Variants in DOCK3 observed in about 807,000 individuals in gnomAD.
DOCK3 encodes the protein dedicator of cytokinesis protein 3.
DOCK3 carries 60 observed loss-of-function variants against 265.6 expected under a neutral mutation model. The observed-to-expected ratio is 0.23, with a 90% CI of 0.18 to 0.28. The LOEUF is 0.28. Among genes scored for constraint, DOCK3 ranks in the 10% least tolerant of loss-of-function variants. DOCK3 has a pLI of 1.00. For missense variants in DOCK3, 1,981 were observed against 2,594.3 expected (o/e 0.76, Z 5.14); for synonymous variants, 881 against 938.0 (o/e 0.94, Z 1.11).
intron 1 of DOCK3, among the ~76,000 whole-genome samples, chr3:50,726,955 A>G (rs1460339783): frequency 6.6e-6 from 1 of 152,218 alleles, no homozygotes; most frequent in African/African-American, 2.4e-5. Context: ...TGAACTTACT[A>G]GAGAGAGGTT....
chr3:50,933,981 G>A lies in DOCK3; in HGVS notation c.219G>A (p.Gly73=). 6 of 1,595,842 alleles carry A rather than the reference G, an allele frequency of 3.8e-6. No individual in the cohort carries two copies. The highest frequency in any genetic ancestry group is 5.1e-6 in the Non-Finnish European group (6 of 1,169,168). Residue 73 remains glycine, a splice_region_variant and synonymous_variant, in exon 5 of 53, where the codon GGG becomes GGA. Transcript: ENST00000266037. ...HLKKAIVSNR[G]QYETVVPLED... The stretch of plus-strand genomic sequence containing the variant: ...CTGTCTTTTGTGGCTCTGGTTCTAG[G>A]CAGTATGAAACTGTGGTTCCACTTG...
intron 2 of DOCK3, among the ~76,000 whole-genome samples, chr3:50,801,756 G>GT (rs1471612610): frequency 6.6e-6 from 1 of 152,132 alleles, no homozygotes; most frequent in Non-Finnish European, 1.5e-5. Flanking sequence ...CCCATTGTTG[G>GT]TTTTCTGTCA....
At chr3:50,884,082 A>G (rs1336336107) in intron 3 of DOCK3, among the ~76,000 whole-genome samples, 1 of 150,942 alleles carries the variant, frequency 6.6e-6, no homozygotes, top group Non-Finnish European at 1.5e-5. Flanking sequence ...CTGCAAGTAT[A>G]TACCATTCTT....
At chr3:50,824,067 A>G (rs2044615706) in intron 2 of DOCK3, among the ~76,000 whole-genome samples, 1 of 152,156 alleles carries the variant, frequency 6.6e-6, no homozygotes, top group Admixed American at 6.5e-5. Flanking sequence ...GAACTCACTG[A>G]GTGACTAAGT....
In DOCK3 at chr3:50,804,444, G is replaced by A. The variant is rs548213616; in HGVS notation, c.121+25686G>A. On this transcript the variant is annotated intron_variant, in intron 2 of 52. Transcript: ENST00000266037. ...ATCACGTCACTGCACTCCAGCCTGG[G>A]CAACATTGAGCACTGAGTGAGCAAG... Among the ~76,000 whole-genome samples, 43 of 152,292 alleles carry A rather than the reference G, an allele frequency of 2.8e-4. No homozygotes were observed. In the East Asian group the frequency reaches 8.1e-3, roughly 29 times the overall value.
At chr3:51,258,831 C>A (rs762725640) in intron 22 of DOCK3, among the ~76,000 whole-genome samples, 7 of 152,146 alleles carry the variant, frequency 4.6e-5, no homozygotes, top group Non-Finnish European at 8.8e-5. Context: ...TGCTACCTAG[C>A]CATTTAGTTT....
intron 1 of DOCK3, among the ~76,000 whole-genome samples, chr3:50,766,597 C>T (rs2040895106): frequency 6.6e-6 from 1 of 152,108 alleles, no homozygotes; most frequent in Non-Finnish European, 1.5e-5. Context: ...GTGCATGTGT[C>T]TTTATAGCAG....
At chr3:51,239,264 G>T (rs2078489620) in intron 21 of DOCK3, among the ~76,000 whole-genome samples, 1 of 150,682 alleles carries the variant, frequency 6.6e-6, no homozygotes. Flanking sequence ...GGATGGAGTA[G>T]AGTGGCGCAA....
intron 9 of DOCK3, among the ~76,000 whole-genome samples, chr3:51,103,420 C>T (rs1332657781): frequency 2.0e-5 from 3 of 152,182 alleles, no homozygotes; most frequent in Admixed American, 6.5e-5. Context: ...GCCTTATTGT[C>T]GTCCTGTTTA....
intron 5 of DOCK3, among the ~76,000 whole-genome samples, chr3:51,041,185 TATATATATATATATATATA>T (rs1448706092): frequency 1.5e-3 from 23 of 15,080 alleles, no homozygotes; most frequent in East Asian, 4.1e-3. Flanking sequence ...TATATATATA[TATATATATATATATATATA>T]TTTTTTTTTT....
At chr3:51,174,634 A>C (rs1450828706) in intron 12 of DOCK3, among the ~76,000 whole-genome samples, 1 of 152,052 alleles carries the variant, frequency 6.6e-6, no homozygotes, top group Non-Finnish European at 1.5e-5. Flanking sequence ...CCACTTCTTT[A>C]GGGTCATTTA....
chr3:50,780,543 C>T (rs2041857818), intron 2 of DOCK3, among the ~76,000 whole-genome samples: 1 of 152,000 alleles, frequency 6.6e-6, no homozygotes, highest in African/African-American at 2.4e-5. Flanking sequence ...AGGTGCCAGG[C>T]TCTGTTTAAA....
At chr3:51,303,802 G>A (rs767762495) in intron 27 of DOCK3, among the ~76,000 whole-genome samples, 118 of 152,284 alleles carry the variant, frequency 7.7e-4, no homozygotes, top group South Asian at 1.5e-3. Flanking sequence ...TGAGATCTCT[G>A]TCCCTGAGAG....
At chr3:50,867,154 G>C (rs546539976) in intron 3 of DOCK3, among the ~76,000 whole-genome samples, 2 of 152,050 alleles carry the variant, frequency 1.3e-5, no homozygotes, top group East Asian at 3.9e-4. Flanking sequence ...TCACTTCTTT[G>C]GTTACCTCAT....
chr3:51,199,345 C>T (rs916422687), intron 12 of DOCK3, among the ~76,000 whole-genome samples: 4 of 152,224 alleles, frequency 2.6e-5, no homozygotes, highest in Non-Finnish European at 4.4e-5. Context: ...AAATACTGCG[C>T]TTTTCCGATG....
intron 10 of DOCK3, among the ~76,000 whole-genome samples, chr3:51,156,625 T>TAA (rs2085864081): frequency 6.6e-6 from 1 of 152,262 alleles, no homozygotes; most frequent in Admixed American, 6.5e-5. Context: ...AAATATTTTC[T>TAA]TGCACTAATT....
intron 12 of DOCK3, 40 bp from the exon 13 acceptor site, chr3:51,208,734 A>G (rs1337406944): frequency 1.3e-6 from 2 of 1,542,768 alleles, no homozygotes; most frequent in Non-Finnish European, 1.8e-6. Flanking sequence ...CCAGTTGTTT[A>G]AAATACTTGA....
chr3:51,064,590 G>T lies in DOCK3; in HGVS notation c.458G>T (p.Gly153Val), dbSNP rs1174126510. Residue 153 changes from glycine to valine, a missense_variant, in exon 6 of 53, where the codon GGT (glycine) becomes GTT (valine). Gly to Val is a moderately radical substitution (Grantham distance 109, BLOSUM62 -3). Around this residue, in one of 4 missense-constraint regions of DOCK3, gnomAD observed 456 missense variants for 539.0 expected, o/e 0.85. Transcript: ENST00000266037. ...KRHITVRLDW[G>V]NEHLGLDLVP... ...CACATCACCGTGCGCCTGGACTGGG[G>T]TAATGAGTAAGTATGAAAATTGTTT... is the stretch of plus-strand genomic sequence containing the variant. 2 of 1,613,360 alleles carry T rather than the reference G, an allele frequency of 1.2e-6. No individual in the cohort carries two copies. Among genetic ancestry groups the T allele is most frequent in the South Asian group, 2.2e-5 (2 of 91,042 alleles).
chr3:51,147,969 C>T (rs990890007), intron 10 of DOCK3, among the ~76,000 whole-genome samples: 7 of 152,234 alleles, frequency 4.6e-5, no homozygotes, highest in South Asian at 2.1e-4. Context: ...AGTGTAAAAG[C>T]GTTCCTATTT....
Sources: gnomAD v4.1 joint callset for allele counts (sites outside exome capture counted in the v4.1 genomes callset) on GRCh38, gnomAD v4.1.1 for gene constraint, gnomAD v4.1.1 regional missense constraint, MANE v1.5 for transcripts, NCBI Gene and HGNC (gene_info 2026-07-23, HGNC 2026-07-21) for gene names.